RAB30: variants seen among roughly 807,000 people sequenced by gnomAD.
RAB30 encodes the protein RAB30, member RAS oncogene family.
A neutral mutation model predicts 25.1 loss-of-function variants in RAB30; 9 were observed. That is an observed-to-expected ratio of 0.36 (90% confidence interval 0.22 to 0.63). The LOEUF is 0.63. Among genes scored for constraint, RAB30 ranks in the 20% least tolerant of loss-of-function variants. The pLI is 0.69. For missense variants in RAB30, 140 were observed against 243.5 expected (o/e 0.58, Z 2.83); for synonymous variants, 77 against 86.4 (o/e 0.89, Z 0.60).
chr11:83,060,227 G>A (rs1858541317), intron 1 of RAB30: 1 of 151,856 alleles, frequency 6.6e-6, no homozygotes, highest in East Asian at 1.9e-4. Flanking sequence ...AAAGCAGGGC[G>A]GCAGAGGGGT....
rs1175285190 is a variant in RAB30, at chr11:82,982,371, G to A, written c.406C>T (p.Arg136Ter). The A allele has an allele frequency of 6.8e-6, 11 of 1,613,936 alleles. No homozygotes were observed. The highest frequency in any genetic ancestry group is 1.1e-5 in the South Asian group (1 of 91,074). ...TGAGCTTCTGAGAATTCTTCAGCTC[G>A]CTGCTGGGAAACCTCTCTCCTTTCA... ...LAERREVSQQ[R>*]AEEFSEAQDM... The change falls in exon 5 of 5, where the codon CGA (arginine) becomes TGA (stop). Residue 136 changes from arginine to a stop codon, truncating the protein, a stop_gained. Coordinates refer to ENST00000527633, the MANE Select transcript of RAB30 (RefSeq NM_001286060.2). LOFTEE classifies it high-confidence loss of function.
chr11:82,989,534 A>T (rs1856807668), intron 3 of RAB30, among the ~76,000 whole-genome samples: 1 of 152,184 alleles, frequency 6.6e-6, no homozygotes, highest in African/African-American at 2.4e-5. Context: ...CCTCAAACCT[A>T]GGGACACGGT....
At chr11:83,001,641 G>A (rs767817533) in intron 1 of RAB30, among the ~76,000 whole-genome samples, 2 of 152,164 alleles carry the variant, frequency 1.3e-5, no homozygotes, top group Non-Finnish European at 2.9e-5. Context: ...AAGATTATCT[G>A]CAAACTTCTA....
intron 1 of RAB30, among the ~76,000 whole-genome samples, chr11:83,013,331 TGCCTCG>T (rs980393092): frequency 6.6e-6 from 1 of 152,156 alleles, no homozygotes; most frequent in Non-Finnish European, 1.5e-5. Flanking sequence ...GTGATTCACC[TGCCTCG>T]GCCTCCCAAA....
At chr11:83,070,375 C>G (rs1858806720) in intron 1 of RAB30, among the ~76,000 whole-genome samples, 1 of 152,190 alleles carries the variant, frequency 6.6e-6, no homozygotes, top group Admixed American at 6.5e-5. Context: ...CTTTGGAGAC[C>G]TAAGGATCTG....
chr11:83,022,273 C>A (rs928120731), intron 1 of RAB30, among the ~76,000 whole-genome samples: 1 of 152,154 alleles, frequency 6.6e-6, no homozygotes, highest in African/African-American at 2.4e-5. Flanking sequence ...GATTGTCCCA[C>A]CTCAGCCTCC....
chr11:83,067,532 G>A (rs1858729409), intron 1 of RAB30, among the ~76,000 whole-genome samples: 1 of 152,058 alleles, frequency 6.6e-6, no homozygotes, highest in African/African-American at 2.4e-5. Flanking sequence ...ATGTCCAAAG[G>A]TCCTCCCTTC....
At position 83,009,947 on chromosome 11, in the gene RAB30, T is replaced by C. The variant is rs183411407; in HGVS notation, c.-8-12623A>G. On this transcript the variant is annotated intron_variant, in intron 1 of 4. Coordinates refer to ENST00000527633, the MANE Select transcript of RAB30 (RefSeq NM_001286060.2). ...TACCTATTTACTTACTTTTACTTTCTGTAGAGATGTGGTCTCACTATGTTG... is the reference window on the plus strand; with the variant it reads ...TACCTATTTACTTACTTTTACTTTCCGTAGAGATGTGGTCTCACTATGTTG... Among the ~76,000 whole-genome samples the C allele has an allele frequency of 5.4e-3, 822 of 152,324 alleles. 7 individuals carry two copies. Among genetic ancestry groups the C allele is most frequent in the African/African-American group, 0.019 (773 of 41,576 alleles).
chr11:82,976,592 T>C lies in RAB30; in HGVS notation c.*5573A>G, dbSNP rs1160715759. On this transcript the variant is annotated 3_prime_UTR_variant, in exon 5 of 5. Coordinates refer to ENST00000527633, the MANE Select transcript of RAB30 (RefSeq NM_001286060.2). ...AATGGAAAAGTAAAATTTTGGCTCATACCTCAAGAAGTCAAAGAAGTGGTG... is the reference window on the plus strand; with the variant it reads ...AATGGAAAAGTAAAATTTTGGCTCACACCTCAAGAAGTCAAAGAAGTGGTG... The C allele has an allele frequency of 6.6e-6, 1 of 152,204 alleles. No homozygotes were observed. The highest frequency in any genetic ancestry group is 1.5e-5 in the Non-Finnish European group (1 of 68,026). The allele number at this position is 152,204 out of a possible 1,614,324, so 9.4% of individuals were successfully genotyped here.
intron 1 of RAB30, among the ~76,000 whole-genome samples, chr11:83,022,156 G>A (rs1045872666): frequency 6.6e-6 from 1 of 150,486 alleles, no homozygotes; most frequent in Admixed American, 6.6e-5. Flanking sequence ...AGGGGTGGGG[G>A]TGAAGGGGTG....
intron 1 of RAB30, among the ~76,000 whole-genome samples, chr11:83,064,969 T>C (rs1049421978): frequency 3.3e-5 from 5 of 152,216 alleles, no homozygotes; most frequent in South Asian, 4.1e-4. Context: ...TTAATATAGA[T>C]TGTCGTCCCT....
chr11:83,033,315 C>T (rs931382814), intron 1 of RAB30, among the ~76,000 whole-genome samples: 1 of 152,082 alleles, frequency 6.6e-6, no homozygotes, highest in Non-Finnish European at 1.5e-5. Context: ...ATCTGCTCAC[C>T]TTGGCTTCCC....
rs948027996 is a variant in RAB30, at chr11:82,976,813, C to T, written c.*5352G>A. ...TATTTTGCAGGTGGAATAATTTGGGCCATAGGCTTCAATAGCAAAAATTGC... is the reference window on the plus strand; with the variant it reads ...TATTTTGCAGGTGGAATAATTTGGGTCATAGGCTTCAATAGCAAAAATTGC... On this transcript the variant is annotated 3_prime_UTR_variant, in exon 5 of 5. Transcript: ENST00000527633. 2 of 152,164 alleles carry T rather than the reference C, an allele frequency of 1.3e-5. No individual in the cohort carries two copies. Among genetic ancestry groups the T allele is most frequent in the African/African-American group, 2.4e-5 (1 of 41,442 alleles). 9.4% of individuals were successfully genotyped at this position (152,164 alleles called of 1,614,324 possible). A position where few individuals can be genotyped will look rare whatever the true frequency, so the allele number is the denominator to read the frequency against.
intron 2 of RAB30, 68 bp from the exon 3 acceptor site, chr11:82,994,190 C>T: frequency 7.5e-7 from 1 of 1,332,394 alleles, no homozygotes; most frequent in Non-Finnish European, 1.1e-6. Context: ...TTCTCCTCTC[C>T]CCCAGCAACA....
chr11:83,023,944 C>T lies in RAB30; in HGVS notation c.-8-26620G>A, dbSNP rs572181092. ...TCTCCCATACAGAGGTCAGAGTCTC[C>T]TATTTGGTTCTCCCACAATACCTCG... On this transcript the variant is annotated intron_variant, in intron 1 of 4. Coordinates refer to ENST00000527633, the MANE Select transcript of RAB30 (RefSeq NM_001286060.2). 3.3e-5 allele frequency among the ~76,000 whole-genome samples: 5 copies of T among 152,154 alleles called. No individual in the cohort carries two copies. In the South Asian group the frequency reaches 8.3e-4, roughly 25 times the overall value.
At chr11:83,054,452 G>A (rs539838545) in intron 1 of RAB30, among the ~76,000 whole-genome samples, 5 of 152,292 alleles carry the variant, frequency 3.3e-5, no homozygotes, top group Non-Finnish European at 7.4e-5. Context: ...AGATCTGGGA[G>A]AAACTTTAGA....
intron 3 of RAB30, among the ~76,000 whole-genome samples, chr11:82,993,241 A>C (rs538545294): frequency 6.6e-6 from 1 of 152,238 alleles, no homozygotes; most frequent in Non-Finnish European, 1.5e-5. Flanking sequence ...AGACCCCAGA[A>C]AGGCAGTGGG....
At chr11:83,061,359 AT>A (rs1858572268) in intron 1 of RAB30, among the ~76,000 whole-genome samples, 1 of 152,186 alleles carries the variant, frequency 6.6e-6, no homozygotes, top group South Asian at 2.1e-4. Context: ...ACACAACTGT[AT>A]TGGGTAAGTA....
chr11:83,018,597 T>G (rs1857494853), intron 1 of RAB30, among the ~76,000 whole-genome samples: 1 of 152,242 alleles, frequency 6.6e-6, no homozygotes, highest in African/African-American at 2.4e-5. Flanking sequence ...TATTAGTCCT[T>G]TGTCAGATGC....
Sources: allele counts gnomAD v4.1 joint callset (sites outside exome capture counted in the v4.1 genomes callset), GRCh38; gene constraint gnomAD v4.1.1; transcripts MANE v1.5; gene names NCBI Gene and HGNC (gene_info 2026-07-23, HGNC 2026-07-21).